The following NPAS3 variants were observed in gnomAD, a reference collection of about 807,000 sequenced individuals.
NPAS3 encodes neuronal PAS domain-containing protein 3.
A neutral mutation model predicts 73.1 loss-of-function variants in NPAS3; 14 were observed. The observed-to-expected ratio is 0.19, with a 90% CI of 0.13 to 0.30. The LOEUF (loss-of-function observed/expected upper bound fraction) is 0.30, where lower values mean the gene tolerates loss of function less well. Among genes scored for constraint, NPAS3 ranks in the 10% least tolerant of loss-of-function variants. The pLI, the probability that NPAS3 is intolerant of heterozygous loss-of-function variation, is 1.00. For missense variants in NPAS3, 1,096 were observed against 1,250.0 expected, an observed-to-expected ratio of 0.88 and a Z score of 1.86; for synonymous variants, 620 against 541.5, an observed-to-expected ratio of 1.14 and a Z score of -2.01.
intron 4 of NPAS3, among the ~76,000 whole-genome samples, chr14:33,378,367 C>G (rs2046393200): frequency 6.6e-6 from 1 of 152,160 alleles, no homozygotes; most frequent in Admixed American, 6.5e-5. Context: ...CAGTTCACCT[C>G]CTTCACTCAT....
At chr14:33,445,316 CTAAG>C (rs2139322010) in intron 4 of NPAS3, among the ~76,000 whole-genome samples, 1 of 152,306 alleles carries the variant, frequency 6.6e-6, no homozygotes, top group South Asian at 2.1e-4. Context: ...ACTTCAAAAA[CTAAG>C]TATTCGTAGC....
At chr14:33,340,068 C>T (rs2044400697) in intron 3 of NPAS3, among the ~76,000 whole-genome samples, 1 of 152,060 alleles carries the variant, frequency 6.6e-6, no homozygotes, top group Non-Finnish European at 1.5e-5. Flanking sequence ...ATTGGTGATA[C>T]CTATGGTTTC....
chr14:33,573,626 T>C (rs1442064440), intron 5 of NPAS3, among the ~76,000 whole-genome samples: 1 of 152,148 alleles, frequency 6.6e-6, no homozygotes, highest in Non-Finnish European at 1.5e-5. Flanking sequence ...CTATTTCTTA[T>C]GGGAGAGATG....
At chr14:33,803,992 A>T (rs1383512854), downstream of NPAS3, 1 of 152,006 alleles carries the variant, frequency 6.6e-6, no homozygotes, top group African/African-American at 2.4e-5. Flanking sequence ...ATTTTGAAAC[A>T]TTTTTTTTCA....
intron 2 of NPAS3, among the ~76,000 whole-genome samples, chr14:33,089,552 G>T (rs1242078444): frequency 2.0e-5 from 3 of 152,144 alleles, no homozygotes; most frequent in African/African-American, 7.2e-5. Context: ...CGGGGAGAGT[G>T]GAACCAAGTT....
At chr14:33,605,112 G>T (rs957871671) in intron 5 of NPAS3, among the ~76,000 whole-genome samples, 2 of 151,698 alleles carry the variant, frequency 1.3e-5, no homozygotes, top group South Asian at 4.2e-4. Context: ...GAAACCAATA[G>T]AGAAAAGCAA....
chr14:33,339,951 T>C (rs1333337134), intron 3 of NPAS3, among the ~76,000 whole-genome samples: 1 of 152,180 alleles, frequency 6.6e-6, no homozygotes, highest in Non-Finnish European at 1.5e-5. Flanking sequence ...GTGTGTAAAA[T>C]TTAAAGTCAT....
At chr14:33,289,369 T>G (rs1594608799) in intron 3 of NPAS3, among the ~76,000 whole-genome samples, 1 of 152,250 alleles carries the variant, frequency 6.6e-6, no homozygotes, top group Non-Finnish European at 1.5e-5. Context: ...ATAAAATTTG[T>G]TATCTTCTCC....
chr14:33,225,426 A>G (rs918117357), intron 3 of NPAS3, among the ~76,000 whole-genome samples: 4 of 152,222 alleles, frequency 2.6e-5, no homozygotes, highest in African/African-American at 9.6e-5. Flanking sequence ...GAAAGCCAAG[A>G]CAAAACCTAG....
At position 33,551,224 on chromosome 14, in the gene NPAS3, A is replaced by G. The variant is rs1186014250; in HGVS notation, c.469-8897A>G. Among the ~76,000 whole-genome samples, 3 of 152,222 alleles carry G rather than the reference A, an allele frequency of 2.0e-5. 1 individual carries two copies. ...TAAAATGTTCCTAGAAATAAAACACATGATTGCACCAGATTAGTGTCTGCG... is the reference window on the plus strand; with the variant it reads ...TAAAATGTTCCTAGAAATAAAACACGTGATTGCACCAGATTAGTGTCTGCG... On this transcript the variant is annotated intron_variant, in intron 4 of 11. Transcript: ENST00000356141.
chr14:33,229,602 A>C (rs985214131), intron 3 of NPAS3, among the ~76,000 whole-genome samples: 7 of 152,316 alleles, frequency 4.6e-5, no homozygotes, highest in Admixed American at 4.6e-4. Context: ...AAGGGAGGGA[A>C]CAATTTTGCT....
At chr14:33,324,455 G>T (rs114322208) in intron 3 of NPAS3, among the ~76,000 whole-genome samples, 2 of 152,172 alleles carry the variant, frequency 1.3e-5, no homozygotes, top group African/African-American at 2.4e-5. Context: ...TGCTTCTAGT[G>T]TGATTATCGG....
chr14:33,676,629 A>AGTTT, intron 6 of NPAS3, among the ~76,000 whole-genome samples: 1 of 152,354 alleles, frequency 6.6e-6, no homozygotes, highest in African/African-American at 2.4e-5. Flanking sequence ...TAGTTCTTTT[A>AGTTT]GTTTCTCTTT....
intron 4 of NPAS3, among the ~76,000 whole-genome samples, chr14:33,555,437 G>A (rs952566341): frequency 2.8e-4 from 43 of 152,124 alleles, no homozygotes; most frequent in African/African-American, 1.0e-3. Context: ...GTTGAAAACA[G>A]TGGGCAGTTG....
At chr14:33,771,201 A>G (rs1310792778) in intron 7 of NPAS3, among the ~76,000 whole-genome samples, 1 of 152,228 alleles carries the variant, frequency 6.6e-6, no homozygotes, top group African/African-American at 2.4e-5. Flanking sequence ...CACCTGAGGA[A>G]AAAAAGCTCT....
intron 1 of NPAS3, among the ~76,000 whole-genome samples, chr14:32,951,446 A>T (rs1000897458): frequency 6.6e-6 from 1 of 152,144 alleles, no homozygotes; most frequent in Non-Finnish European, 1.5e-5. Flanking sequence ...TCATGAAAAC[A>T]TCTTTGAAAG....
At chr14:33,690,172 G>A (rs1392684108) in intron 6 of NPAS3, among the ~76,000 whole-genome samples, 2 of 152,110 alleles carry the variant, frequency 1.3e-5, no homozygotes, top group African/African-American at 2.4e-5. Context: ...GCTTTCGTGC[G>A]GCGTTCCGGT....
intron 3 of NPAS3, among the ~76,000 whole-genome samples, chr14:33,302,101 A>G (rs1236725200): frequency 1.3e-5 from 2 of 152,204 alleles, no homozygotes; most frequent in East Asian, 1.9e-4. Flanking sequence ...TTAAATAAAT[A>G]AATGAATTGA....
At chr14:33,012,460 G>C (rs1312799780) in intron 1 of NPAS3, among the ~76,000 whole-genome samples, 1 of 152,084 alleles carries the variant, frequency 6.6e-6, no homozygotes, top group East Asian at 1.9e-4. Flanking sequence ...TTTTAACTTA[G>C]AGTTTCACTT....
Sources: gnomAD v4.1 joint callset for allele counts (sites outside exome capture counted in the v4.1 genomes callset) on GRCh38, gnomAD v4.1.1 for gene constraint, MANE v1.5 for transcripts, NCBI Gene and HGNC (gene_info 2026-07-23, HGNC 2026-07-21) for gene names.